The following WDR7 variants were observed in gnomAD, a reference collection of about 807,000 sequenced individuals.
WDR7 encodes WD repeat-containing protein 7.
Under a neutral mutation model 169.4 loss-of-function variants are expected in WDR7, and 46 were observed. The ratio of observed to expected loss-of-function variants is 0.27; its 90% CI spans 0.21 to 0.35. WDR7 has a LOEUF of 0.35. WDR7 is among the 10% of genes least tolerant of loss of function. WDR7 has a pLI of 1.00. For synonymous variants in WDR7, 612 were observed against 666.8 expected, an observed-to-expected ratio of 0.92 and a Z score of 1.27; for missense variants, 1,534 against 1,859.3, an observed-to-expected ratio of 0.83 and a Z score of 3.22.
chr18:56,730,250 C>T (rs74628797), intron 13 of WDR7, among the ~76,000 whole-genome samples: 4,951 of 152,216 alleles, frequency 0.033, 269 homozygotes, highest in African/African-American at 0.11. Flanking sequence ...ACTTTAAACA[C>T]ATAGTATGTT....
Position 56,696,349 on chromosome 18 carries a change from G to A in WDR7, c.1465G>A (p.Gly489Ser), listed in dbSNP as rs1413612605. 3 of 1,614,118 alleles carry A rather than the reference G, an allele frequency of 1.9e-6. No individual in the cohort carries two copies. Among genetic ancestry groups the A allele is most frequent in the Admixed American group, 1.7e-5 (1 of 60,012 alleles). The change falls in exon 12 of 28, where the codon GGT becomes AGT. Residue 489 changes from glycine to serine, a missense_variant. Physicochemically the swap from Gly to Ser is moderately conservative, Grantham distance 56 (BLOSUM62 0). Coordinates refer to ENST00000254442, the MANE Select transcript of WDR7 (RefSeq NM_015285.3). ...TGATCAAAGATACCTGATATCTGGA[G>A]GTGTGGATTTTTCAGTCATAATTTG... Reference protein sequence around the residue: ...RYDQRYLISGGVDFSVIIWDI... With the variant: ...RYDQRYLISGSVDFSVIIWDI...
intron 19 of WDR7, among the ~76,000 whole-genome samples, chr18:56,786,029 A>G (rs2044394512): frequency 6.6e-6 from 1 of 152,110 alleles, no homozygotes; most frequent in Non-Finnish European, 1.5e-5. Flanking sequence ...AGTGCATAAT[A>G]CAAGTACAGA....
intron 27 of WDR7, 85 bp downstream of exon 27, chr18:57,020,934 G>C: frequency 6.4e-6 from 8 of 1,243,016 alleles, no homozygotes; most frequent in Non-Finnish European, 9.3e-6. Flanking sequence ...CCTACCTGCC[G>C]GCCCTCCTTC....
At chr18:56,737,577 GAA>G (rs980149593) in intron 14 of WDR7, among the ~76,000 whole-genome samples, 1 of 151,794 alleles carries the variant, frequency 6.6e-6, no homozygotes, top group Admixed American at 6.6e-5. Context: ...TCAAAAGTCT[GAA>G]AAAAAATGAA....
rs1178662194 is a variant in WDR7 at position 56,833,590 on chromosome 18, C to G, written c.3304+17446C>G. ...AAATGAATGTCTGCGTTACAAACGT[C>G]AGTTAAATTGTTGTATAAGTGGGTT... is the stretch of plus-strand genomic sequence containing the variant. On this transcript the variant is annotated intron_variant, in intron 20 of 27. Transcript: ENST00000254442. 3.9e-5 allele frequency among the ~76,000 whole-genome samples: 6 copies of G among 152,118 alleles called. No individual in the cohort carries two copies. In the South Asian group the frequency reaches 8.3e-4, roughly 21 times the overall value.
chr18:56,837,569 T>C (rs146475221), intron 20 of WDR7, among the ~76,000 whole-genome samples: 2,129 of 152,308 alleles, frequency 0.014, 28 homozygotes, highest in East Asian at 0.035. Context: ...AGTGAAAACA[T>C]AGCTTGGGAA....
At chr18:56,731,618 C>T in intron 14 of WDR7, 21 bp downstream of exon 14, 3 of 1,608,254 alleles carry the variant, frequency 1.9e-6, no homozygotes, top group Non-Finnish European at 2.6e-6. Context: ...TATGTGGGCC[C>T]ATGAAGTGTG....
chr18:56,665,378 C>T (rs2024997610), intron 1 of WDR7, among the ~76,000 whole-genome samples: 1 of 86,390 alleles, frequency 1.2e-5, no homozygotes, highest in Non-Finnish European at 2.5e-5. Flanking sequence ...ATGGAAAACA[C>T]AATGATGGGG....
chr18:56,759,530 T>G (rs2043949691), intron 16 of WDR7, among the ~76,000 whole-genome samples: 1 of 152,178 alleles, frequency 6.6e-6, no homozygotes, highest in African/African-American at 2.4e-5. Context: ...TATAATTAAT[T>G]AATATACTTA....
intron 21 of WDR7, among the ~76,000 whole-genome samples, chr18:56,891,981 T>C (rs1177026879): frequency 6.6e-6 from 1 of 152,140 alleles, no homozygotes; most frequent in Non-Finnish European, 1.5e-5. Context: ...TACTTGTAAA[T>C]AATATATGTT....
At chr18:56,908,612 C>G (rs139183224) in intron 21 of WDR7, among the ~76,000 whole-genome samples, 300 of 152,306 alleles carry the variant, frequency 2.0e-3, no homozygotes, top group African/African-American at 6.7e-3. Flanking sequence ...GCAATTCAAA[C>G]AGTATAATCT....
At chr18:56,708,821 C>A (rs902442539) in intron 12 of WDR7, among the ~76,000 whole-genome samples, 2 of 152,096 alleles carry the variant, frequency 1.3e-5, no homozygotes, top group Non-Finnish European at 2.9e-5. Context: ...CCTGTAATCC[C>A]AGCTACTTGA....
At chr18:56,802,129 AT>A (rs948643459) in intron 19 of WDR7, among the ~76,000 whole-genome samples, 7 of 152,094 alleles carry the variant, frequency 4.6e-5, no homozygotes, top group South Asian at 2.1e-4. Flanking sequence ...TATTGTTAGT[AT>A]TTTTTTAACT....
rs78407273 is a variant in WDR7 at position 56,793,968 on chromosome 18, A to C, written c.3190+12312A>C. ...ACTAATCAGTGAATCTTTTTTTCTTATTTCTCTTCGAGTTGCTGCATAGAG... is the reference window on the plus strand; with the variant it reads ...ACTAATCAGTGAATCTTTTTTTCTTCTTTCTCTTCGAGTTGCTGCATAGAG... On this transcript the variant is annotated intron_variant, in intron 19 of 27. Transcript: ENST00000254442. 1.7e-3 allele frequency among the ~76,000 whole-genome samples: 265 copies of C among 152,118 alleles called. 3 individuals carry two copies. Among genetic ancestry groups the C allele is most frequent in the African/African-American group, 5.8e-3 (242 of 41,514 alleles).
chr18:56,889,256 T>G (rs1438723658), intron 21 of WDR7, among the ~76,000 whole-genome samples: 1 of 152,234 alleles, frequency 6.6e-6, no homozygotes, highest in East Asian at 1.9e-4. Flanking sequence ...GTTCTCTTTC[T>G]ATTTTAACAA....
chr18:57,017,242 A>T (rs1038596579), intron 26 of WDR7, among the ~76,000 whole-genome samples: 3 of 152,208 alleles, frequency 2.0e-5, no homozygotes, highest in African/African-American at 7.2e-5. Flanking sequence ...ATTGTAATGA[A>T]CTCACCAGAT....
intron 12 of WDR7, among the ~76,000 whole-genome samples, chr18:56,700,808 A>G (rs2025818238): frequency 6.6e-6 from 1 of 151,862 alleles, no homozygotes; most frequent in African/African-American, 2.4e-5. Context: ...TGACCTCGTG[A>G]TCCGCCCGCC....
chr18:56,936,165 T>C, intron 23 of WDR7: 1 of 402,110 alleles, frequency 2.5e-6, no homozygotes. Flanking sequence ...CAATCATTTT[T>C]CAATCTGAAT....
At chr18:56,984,214 A>G (rs1221224951) in intron 26 of WDR7, among the ~76,000 whole-genome samples, 1 of 152,188 alleles carries the variant, frequency 6.6e-6, no homozygotes, top group East Asian at 1.9e-4. Flanking sequence ...GATTAACAGA[A>G]TGATGGATGT....
Sources: allele counts gnomAD v4.1 joint callset (sites outside exome capture counted in the v4.1 genomes callset), GRCh38; gene constraint gnomAD v4.1.1; transcripts MANE v1.5; gene names NCBI Gene and HGNC (gene_info 2026-07-23, HGNC 2026-07-21).